EYS: variants seen among roughly 807,000 people sequenced by gnomAD.
EYS encodes the protein EGF-like photoreceptor maintenance factor.
EYS carries 250 observed loss-of-function variants against 282.1 expected under a neutral mutation model. The ratio of observed to expected loss-of-function variants is 0.89; its 90% CI spans 0.80 to 0.98. The LOEUF (loss-of-function observed/expected upper bound fraction) is 0.98. Ranked by LOEUF, EYS falls within the 50% of genes least tolerant of loss-of-function variation. EYS has a pLI of 0.00. For missense variants in EYS, 4,016 were observed against 3,709.0 expected (o/e 1.08, Z -2.15); for synonymous variants, 1,355 against 1,282.9 (o/e 1.06, Z -1.20).
chr6:65,347,657 G>A (rs1034916432), intron 9 of EYS, among the ~76,000 whole-genome samples: 1 of 150,854 alleles, frequency 6.6e-6, no homozygotes. Flanking sequence ...GGCATACAAT[G>A]TATAGCAATC....
chr6:64,429,523 C>T (rs182899571), intron 28 of EYS, among the ~76,000 whole-genome samples: 32 of 152,202 alleles, frequency 2.1e-4, no homozygotes, highest in Middle Eastern at 6.8e-3. Context: ...CCCAGCTACT[C>T]GGGAGGCTGA....
At chr6:64,838,508 A>C (rs528261522) in intron 19 of EYS, among the ~76,000 whole-genome samples, 1 of 151,888 alleles carries the variant, frequency 6.6e-6, no homozygotes, top group South Asian at 2.1e-4. Flanking sequence ...ATCTGATTGA[A>C]ATTTCTGTCA....
At position 65,057,637 on chromosome 6, in the gene EYS, C is replaced by A. The variant is rs372260992; in HGVS notation, c.2114G>T (p.Cys705Phe). The change falls in exon 13 of 43, where the codon TGC becomes TTC. Residue 705 changes from cysteine to phenylalanine, a missense_variant. By Grantham distance (205) the Cys-to-Phe change is radical. Coordinates refer to ENST00000503581, the MANE Select transcript of EYS (RefSeq NM_001142800.2). ...ACCTTTAAATGGAGGCACACACTGG[C>A]AGAAGTAATTACCAGGTTGGTCAAT... ...TCIDQPGNYF[C>F]QCVPPFKVVD... 5 of 1,549,636 alleles carry A rather than the reference C, an allele frequency of 3.2e-6. No individual in the cohort carries two copies. Among genetic ancestry groups the A allele is most frequent in the African/African-American group, 1.4e-5 (1 of 72,890 alleles).
intron 14 of EYS, among the ~76,000 whole-genome samples, chr6:64,987,877 G>A (rs1770914467): frequency 6.6e-6 from 1 of 151,418 alleles, no homozygotes; most frequent in African/African-American, 2.4e-5. Context: ...AAACCCACAT[G>A]TATGTGTAAA....
At chr6:65,219,339 G>A (rs1766399922) in intron 12 of EYS, among the ~76,000 whole-genome samples, 2 of 152,106 alleles carry the variant, frequency 1.3e-5, no homozygotes, top group African/African-American at 4.8e-5. Flanking sequence ...AGGAAAAATA[G>A]AGAAAATTGG....
chr6:65,573,847 T>C (rs975255705), intron 2 of EYS, among the ~76,000 whole-genome samples: 2 of 152,114 alleles, frequency 1.3e-5, no homozygotes, highest in Non-Finnish European at 2.9e-5. Flanking sequence ...ATTTCATGAG[T>C]ATACTGTTTC....
chr6:65,198,167 T>C (rs1349676259), intron 12 of EYS, among the ~76,000 whole-genome samples: 2 of 152,026 alleles, frequency 1.3e-5, no homozygotes, highest in Non-Finnish European at 2.9e-5. Flanking sequence ...AGCTTAGACC[T>C]ACACACAATA....
intron 15 of EYS, among the ~76,000 whole-genome samples, chr6:64,914,694 C>A (rs897029799): frequency 6.6e-6 from 1 of 151,824 alleles, no homozygotes; most frequent in Non-Finnish European, 1.5e-5. Flanking sequence ...AAATAAAAAC[C>A]AAAATGAATA....
At chr6:64,204,733 C>T (rs1765566156) in intron 31 of EYS, among the ~76,000 whole-genome samples, 1 of 152,082 alleles carries the variant, frequency 6.6e-6, no homozygotes, top group African/African-American at 2.4e-5. Flanking sequence ...AGAAAAGTTT[C>T]TGGAATCATG....
chr6:65,011,291 A>G (rs911710937), intron 13 of EYS, among the ~76,000 whole-genome samples: 1 of 152,192 alleles, frequency 6.6e-6, no homozygotes, highest in Non-Finnish European at 1.5e-5. Flanking sequence ...GCAGATAGTC[A>G]GGGCCTGTGA....
intron 28 of EYS, among the ~76,000 whole-genome samples, chr6:64,391,152 G>T (rs1225174836): frequency 1.3e-5 from 2 of 152,128 alleles, no homozygotes; most frequent in African/African-American, 4.8e-5. Context: ...CGACTGATTG[G>T]TGTACCTGAA....
chr6:64,482,478 A>G (rs1776463201), intron 26 of EYS, among the ~76,000 whole-genome samples: 1 of 151,732 alleles, frequency 6.6e-6, no homozygotes, highest in African/African-American at 2.4e-5. Flanking sequence ...ATTTTTATTG[A>G]TATGACAAAA....
intron 14 of EYS, among the ~76,000 whole-genome samples, chr6:64,984,580 G>A (rs983057243): frequency 4.0e-5 from 6 of 151,308 alleles, no homozygotes; most frequent in Non-Finnish European, 5.9e-5. Flanking sequence ...TCGTGTACAA[G>A]AAAAACAAGG....
chr6:64,497,042 G>A (rs60518421), intron 26 of EYS, among the ~76,000 whole-genome samples: 7,877 of 152,044 alleles, frequency 0.052, 688 homozygotes, highest in African/African-American at 0.18. Context: ...TCTGAGTAAT[G>A]CCTCAAATCC....
At chr6:64,672,984 A>G (rs1329448444) in intron 22 of EYS, among the ~76,000 whole-genome samples, 2 of 152,138 alleles carry the variant, frequency 1.3e-5, no homozygotes, top group Non-Finnish European at 2.9e-5. Flanking sequence ...AAATTTAGAA[A>G]CATTCCTTTT....
chr6:65,181,381 T>C lies in EYS; in HGVS notation c.2023+114482A>G, dbSNP rs925743563. On this transcript the variant is annotated intron_variant, in intron 12 of 42. Coordinates refer to ENST00000503581, the MANE Select transcript of EYS (RefSeq NM_001142800.2). ...TACAAGAAAAAAACAAACAACCCTATCAAAAAATGGGTGAAGGATATGAAC... is the reference window on the plus strand; with the variant it reads ...TACAAGAAAAAAACAAACAACCCTACCAAAAAATGGGTGAAGGATATGAAC... Among the ~76,000 whole-genome samples the C allele has an allele frequency of 5.3e-5, 8 of 151,794 alleles. 1 individual carries two copies. The highest frequency in any genetic ancestry group is 5.3e-4 in the Admixed American group (8 of 15,238).
intron 19 of EYS, among the ~76,000 whole-genome samples, chr6:64,880,361 C>T (rs970992251): frequency 1.3e-5 from 2 of 151,600 alleles, no homozygotes; most frequent in Non-Finnish European, 2.9e-5. Context: ...TTCTAATGTC[C>T]CATAGACATA....
chr6:64,801,115 C>T (rs766377747), intron 22 of EYS, among the ~76,000 whole-genome samples: 11 of 151,792 alleles, frequency 7.2e-5, no homozygotes, highest in African/African-American at 1.2e-4. Context: ...TTCAAAAGGG[C>T]ATCACTTCCA....
intron 12 of EYS, among the ~76,000 whole-genome samples, chr6:65,150,611 A>C (rs1764589832): frequency 6.6e-6 from 1 of 151,816 alleles, no homozygotes; most frequent in South Asian, 2.1e-4. Context: ...AGGAGAATCT[A>C]TTTCTCATCA....
Sources: allele counts gnomAD v4.1 joint callset (sites outside exome capture counted in the v4.1 genomes callset), GRCh38; gene constraint gnomAD v4.1.1; transcripts MANE v1.5; gene names NCBI Gene and HGNC (gene_info 2026-07-23, HGNC 2026-07-21).